The following PLA2G4B variants were observed in gnomAD, a reference collection of about 807,000 sequenced individuals.
PLA2G4B encodes cytosolic phospholipase A2 beta.
A neutral mutation model predicts 95.8 loss-of-function variants in PLA2G4B; 122 were observed. That is an observed-to-expected ratio of 1.27 (90% CI 1.10 to 1.48). The LOEUF (loss-of-function observed/expected upper bound fraction) is 1.48, where lower values mean the gene tolerates loss of function less well. Ranked by LOEUF, PLA2G4B falls within the 40% of genes most tolerant of loss-of-function variation. PLA2G4B has a pLI of 0.00. For synonymous variants in PLA2G4B, 518 were observed against 421.5 expected, an observed-to-expected ratio of 1.23 and a Z score of -2.80; for missense variants, 1,158 against 996.2, an observed-to-expected ratio of 1.16 and a Z score of -2.19.
chr15:41,840,336 C>T (rs543877319), intron 2 of PLA2G4B, 106 bp downstream of exon 2: 4 of 1,574,346 alleles, frequency 2.5e-6, no homozygotes, highest in East Asian at 2.3e-5. Flanking sequence ...GGCCGGTGGG[C>T]AGGGCCTAGA....
In PLA2G4B at chr15:41,847,384, C is replaced by G. The variant is rs762982443; in HGVS notation, c.1995C>G (p.Phe665Leu). 3.1e-6 allele frequency: 5 copies of G among 1,611,798 alleles called. No homozygotes were observed. The highest frequency in any genetic ancestry group is 2.7e-5 in the African/African-American group (2 of 74,900). The change falls in exon 19 of 20, where the codon TTC becomes TTG. Residue 665 changes from phenylalanine to leucine, a missense_variant. Transcript: ENST00000458483. ...GRFCQEQGIPFPPISPSPEEQ... is the reference protein window; with the variant it reads ...GRFCQEQGIPLPPISPSPEEQ... ...TCTGCCAGGAGCAGGGGATCCCGTTCCCACCCATCTCGCCCAGCCCCGAAG... is the reference window on the plus strand; with the variant it reads ...TCTGCCAGGAGCAGGGGATCCCGTTGCCACCCATCTCGCCCAGCCCCGAAG...
At chr15:41,842,171 C>T (rs1174961104) in intron 8 of PLA2G4B, 22 bp from the exon 9 acceptor site, 11 of 1,613,120 alleles carry the variant, frequency 6.8e-6, no homozygotes, top group Non-Finnish European at 9.3e-6. Context: ...ATTCTTAGGT[C>T]TGCATTCTTT....
rs764168773 is a variant in PLA2G4B at position 41,846,632 on chromosome 15, G to C, written c.1781-37G>C. 3.2e-6 allele frequency: 5 copies of C among 1,572,144 alleles called. No homozygotes were observed. In the African/African-American group the frequency reaches 6.7e-5, roughly 21 times the overall value. ...TTCCAGCAGGAATCTGGTACCCTTG[G>C]TATCTGTGACAATTGCTGCTCTCCC... On this transcript the variant is annotated intron_variant, in intron 17 of 19. Transcript: ENST00000458483.
chr15:41,840,195 T>C lies in PLA2G4B; in HGVS notation c.47T>C (p.Val16Ala), dbSNP rs755948695. 1 of 1,613,318 alleles carries C rather than the reference T, an allele frequency of 6.2e-7. No homozygotes were observed. The change falls in exon 2 of 20, where the codon GTC (valine) becomes GCC (alanine). Residue 16 changes from valine (V) to alanine (A), a missense_variant. Val to Ala is a moderately conservative substitution (Grantham distance 64). Coordinates refer to ENST00000458483, the MANE Select transcript of PLA2G4B (RefSeq NM_001114633.2). ...AGGACCTGCCTGCTCACGGTTCGTGTCCTGCAGGCCCATCGCCTACCCTCT... is the reference window on the plus strand; with the variant it reads ...AGGACCTGCCTGCTCACGGTTCGTGCCCTGCAGGCCCATCGCCTACCCTCT... ...VSRTCLLTVRVLQAHRLPSKD... is the reference protein window; with the variant it reads ...VSRTCLLTVRALQAHRLPSKD...
At chr15:41,845,514 G>C in intron 14 of PLA2G4B, 124 bp from the exon 15 acceptor site, 1 of 1,506,104 alleles carries the variant, frequency 6.6e-7, no homozygotes. Flanking sequence ...TATGCACGAA[G>C]CCCAGGCCAC....
intron 12 of PLA2G4B, 26 bp from the exon 13 acceptor site, chr15:41,844,822 C>G: frequency 6.3e-7 from 1 of 1,579,438 alleles, no homozygotes; most frequent in Non-Finnish European, 8.6e-7. Context: ...TGACAGCCCT[C>G]TGGCTTTGGC....
intron 9 of PLA2G4B, 80 bp downstream of exon 9, chr15:41,842,356 G>A (rs530433126): frequency 2.7e-5 from 43 of 1,584,588 alleles, no homozygotes; most frequent in Non-Finnish European, 3.0e-5. Flanking sequence ...CCTGCTTCCC[G>A]CTTCTCCGTG....
Position 41,843,370 on chromosome 15 carries a change from G to A in PLA2G4B, c.744-306G>A, listed in dbSNP as rs116553486. 2,542 of 336,410 alleles carry A rather than the reference G, an allele frequency of 7.6e-3. 60 individuals are homozygous for A. Among genetic ancestry groups the A allele is most frequent in the African/African-American group, 0.05 (2,382 of 47,234 alleles). The allele number at this position is 336,410 out of a possible 1,614,324, so 20.8% of individuals were successfully genotyped here. A position where few individuals can be genotyped will look rare whatever the true frequency, so the allele number is the denominator to read the frequency against. The stretch of plus-strand genomic sequence containing the variant: ...ACTCCGTGGGTAAGGGACAGAACAC[G>A]AGACTTGGAGGGGGGGGATCTATGG... On this transcript the variant is annotated intron_variant, in intron 10 of 19. Coordinates refer to ENST00000458483, the MANE Select transcript of PLA2G4B (RefSeq NM_001114633.2).
rs148579102 is a variant in PLA2G4B, at chr15:41,840,519, C to T, written c.83-5C>T. On this transcript the variant is annotated splice_region_variant and splice_polypyrimidine_tract_variant and intron_variant, in intron 2 of 19. Coordinates refer to ENST00000458483, the MANE Select transcript of PLA2G4B (RefSeq NM_001114633.2). ...CCACCGCTGGGCACTTGTTCCTTCCCGCAGTGACCCCCTCTGACTGCTACG... is the reference window on the plus strand; with the variant it reads ...CCACCGCTGGGCACTTGTTCCTTCCTGCAGTGACCCCCTCTGACTGCTACG... 1,159 of 1,613,684 alleles carry T rather than the reference C, an allele frequency of 7.2e-4. 11 individuals are homozygous for T. The African/African-American group carries it at 0.014, about 19-fold the overall frequency.
chr15:41,847,382 T>C lies in PLA2G4B; in HGVS notation c.1993T>C (p.Phe665Leu). ...GRFCQEQGIP[F>L]PPISPSPEEQ... Reference sequence around the variant, plus strand: ...GTTCTGCCAGGAGCAGGGGATCCCGTTCCCACCCATCTCGCCCAGCCCCGA... The same window carrying C: ...GTTCTGCCAGGAGCAGGGGATCCCGCTCCCACCCATCTCGCCCAGCCCCGA... The change falls in exon 19 of 20, where the codon TTC becomes CTC. Residue 665 changes from phenylalanine (F) to leucine (L), a missense_variant. Transcript: ENST00000458483. 1 of 1,611,838 alleles carries C rather than the reference T, an allele frequency of 6.2e-7. No homozygotes were observed. Among genetic ancestry groups the C allele is most frequent in the South Asian group, 1.1e-5 (1 of 91,060 alleles).
rs1260208498 is a variant in PLA2G4B, at chr15:41,844,604, C to A, written c.1013C>A (p.Thr338Asn). The A allele has an allele frequency of 1.9e-6, 3 of 1,614,110 alleles. No individual in the cohort carries two copies. The highest frequency in any genetic ancestry group is 2.2e-5 in the South Asian group (2 of 91,082). Residue 338 changes from threonine (T) to asparagine (N), a missense_variant, in exon 12 of 20, where the codon ACC (threonine) becomes AAC (asparagine). By Grantham distance (65) the Thr-to-Asn change is moderately conservative (BLOSUM62 0). Transcript: ENST00000458483. ...VSYITGASGS[T>N]WALANLYEDP... ...TACATCACCGGGGCCTCGGGCTCCA[C>A]CTGGTGAGCTGGGGGCAGGCTGATG...
At position 41,847,456 on chromosome 15, in the gene PLA2G4B, C is replaced by T; in HGVS notation, c.2067C>T (p.Cys689=). Reference sequence around the variant, plus strand: ...GCCACACCTTCTCCGACCCCACCTGCCCCGGAGCCCCTGCGGTGCTGCACT... The same window carrying T: ...GCCACACCTTCTCCGACCCCACCTGTCCCGGAGCCCCTGCGGTGCTGCACT... ...RECHTFSDPT[C]PGAPAVLHFP... The change falls in exon 19 of 20, where the codon TGC becomes TGT. Residue 689 remains cysteine (C), a synonymous_variant. Transcript: ENST00000458483. 1 of 1,613,286 alleles carries T rather than the reference C, an allele frequency of 6.2e-7. No homozygotes were observed. Among genetic ancestry groups the T allele is most frequent in the South Asian group, 1.1e-5 (1 of 91,048 alleles).
Position 41,843,808 on chromosome 15 carries a change from T to C in PLA2G4B, c.876T>C (p.Asp292=). 1.2e-6 allele frequency: 2 copies of C among 1,613,206 alleles called. No individual in the cohort carries two copies. Among genetic ancestry groups the C allele is most frequent in the Non-Finnish European group, 1.7e-6 (2 of 1,179,382 alleles). ...AGCTGGACGGAGACCTGCAGGAGGA[T>C]GAGGTTTGGGGGCTGGGCTGGATGG... is the stretch of plus-strand genomic sequence containing the variant. ...ALQLDGDLQE[D]EIPVVAIMAT... is the part of the protein sequence containing the mutation. The change falls in exon 11 of 20, where the codon GAT becomes GAC. Residue 292 remains aspartate, a synonymous_variant. Transcript: ENST00000458483.
chr15:41,841,539 A>G lies in PLA2G4B; in HGVS notation c.458A>G (p.His153Arg). The change falls in exon 7 of 20, where the codon CAC (histidine) becomes CGC (arginine). Residue 153 changes from histidine (H) to arginine (R), a missense_variant. Coordinates refer to ENST00000458483, the MANE Select transcript of PLA2G4B (RefSeq NM_001114633.2). ...VLVARELSCL[H>R]VQLEETGDQK... is the part of the protein sequence containing the mutation. ...CAGGCCCGGGAGCTCTCCTGCTTGCACGTTCAACTGGAGGAGACAGGAGAC... is the reference window on the plus strand; with the variant it reads ...CAGGCCCGGGAGCTCTCCTGCTTGCGCGTTCAACTGGAGGAGACAGGAGAC... The G allele has an allele frequency of 6.2e-7, 1 of 1,613,984 alleles. No homozygotes were observed. The highest frequency in any genetic ancestry group is 8.5e-7 in the Non-Finnish European group (1 of 1,179,968).
rs769124921 is a variant in PLA2G4B at position 41,841,253 on chromosome 15, G to A, written c.415G>A (p.Val139Ile). Residue 139 changes from valine (V) to isoleucine (I), a missense_variant, in exon 6 of 20, where the codon GTC becomes ATC. Transcript: ENST00000458483. ...QSLADRGEWL[V>I]SNGVLVAREL... ...CAGGGCTGACCGTGGCGAGTGGCTC[G>A]TCAGCAATGGCGTTCTGGTGGTGAG... The A allele has an allele frequency of 1.1e-5, 17 of 1,612,744 alleles. No individual in the cohort carries two copies. The highest frequency in any genetic ancestry group is 3.5e-4 in the Middle Eastern group (2 of 5,682).
Position 41,847,265 on chromosome 15 carries a change from T to C in PLA2G4B, c.1948-72T>C. On this transcript the variant is annotated intron_variant, in intron 18 of 19. Coordinates refer to ENST00000458483, the MANE Select transcript of PLA2G4B (RefSeq NM_001114633.2). ...GCATTTGAGCCCCAGGTCCTGTGCA[T>C]CTTACGTCAGCCCCAGTGTTGAGGA... 2.6e-6 allele frequency: 4 copies of C among 1,518,044 alleles called. No homozygotes were observed. In the South Asian group the frequency reaches 5.0e-5, roughly 19 times the overall value. 94.0% of individuals were successfully genotyped at this position (1,518,044 alleles called of 1,614,324 possible). A position where few individuals can be genotyped will look rare whatever the true frequency, so the allele number is the denominator to read the frequency against.
chr15:41,840,991 A>T, intron 4 of PLA2G4B, 64 bp from the exon 5 acceptor site: 1 of 1,575,480 alleles, frequency 6.3e-7, no homozygotes, highest in Middle Eastern at 1.7e-4. Flanking sequence ...CATGTCTCTC[A>T]TACTCACTGA....
intron 12 of PLA2G4B, 23 bp downstream of exon 12, chr15:41,844,630 C>G (rs1173743821): frequency 9.9e-6 from 16 of 1,613,608 alleles, no homozygotes; most frequent in Non-Finnish European, 1.2e-5. Flanking sequence ...CAGGCTGATG[C>G]TGGACCCTGT....
intron 10 of PLA2G4B, 68 bp from the exon 11 acceptor site, chr15:41,843,608 C>T (rs2065476510): frequency 3.2e-6 from 5 of 1,575,420 alleles, no homozygotes; most frequent in Non-Finnish European, 4.3e-6. Context: ...ACAGGTGAGG[C>T]AGACCCAGCT....
Sources: allele counts gnomAD v4.1 joint callset, GRCh38; gene constraint gnomAD v4.1.1; transcripts MANE v1.5; gene names NCBI Gene and HGNC (gene_info 2026-07-23, HGNC 2026-07-21).